The following IARS2 variants were observed in gnomAD, a reference collection of about 807,000 sequenced individuals.
The protein encoded by IARS2 is isoleucyl-tRNA synthetase 2, mitochondrial.
Under a neutral mutation model 126.3 loss-of-function variants are expected in IARS2, and 56 were observed. The observed-to-expected ratio is 0.44, with a 90% CI of 0.36 to 0.55. The LOEUF (loss-of-function observed/expected upper bound fraction) is 0.55, where lower values mean the gene tolerates loss of function less well. Among genes scored for constraint, IARS2 ranks in the 20% least tolerant of loss-of-function variants. IARS2 has a pLI of 0.00. For missense variants in IARS2, 1,127 were observed against 1,245.9 expected (o/e 0.90, Z 1.44); for synonymous variants, 407 against 441.1 (o/e 0.92, Z 0.97).
At chr1:220,127,827 T>C (rs1657184292) in intron 14 of IARS2, among the ~76,000 whole-genome samples, 1 of 152,224 alleles carries the variant, frequency 6.6e-6, no homozygotes, top group East Asian at 1.9e-4. Flanking sequence ...AAGTAAAATG[T>C]GCGTAATAAT....
At chr1:220,102,822 T>C in intron 7 of IARS2, 45 bp downstream of exon 7, 1 of 994,698 alleles carries the variant, frequency 1.0e-6, no homozygotes, top group Non-Finnish European at 1.6e-6. Flanking sequence ...AAATAGAATG[T>C]ATTCCATTAT....
chr1:220,117,194 T>TC (rs1656932618), intron 12 of IARS2, among the ~76,000 whole-genome samples: 1 of 140,606 alleles, frequency 7.1e-6, no homozygotes, highest in Non-Finnish European at 1.6e-5. Flanking sequence ...CTTTTTTTTT[T>TC]TTTTTTTTTT....
Position 220,107,077 on chromosome 1 carries a change from A to G in IARS2, c.1253A>G (p.Glu418Gly). Residue 418 changes from glutamate (E) to glycine (G), a missense_variant, in exon 10 of 23, where the codon GAA becomes GGA. Physicochemically the swap from Glu to Gly is moderately conservative, Grantham distance 98. Coordinates refer to ENST00000366922, the MANE Select transcript of IARS2 (RefSeq NM_018060.4). ...HNLPMDCLVD[E>G]DGVFTDVAGP... Reference sequence around the variant, plus strand: ...ACTTTATAGGATTGTCTAGTGGACGAAGATGGAGTTTTCACAGATGTTGCA... The same window carrying G: ...ACTTTATAGGATTGTCTAGTGGACGGAGATGGAGTTTTCACAGATGTTGCA... 1 of 1,611,374 alleles carries G rather than the reference A, an allele frequency of 6.2e-7. No individual in the cohort carries two copies. Among genetic ancestry groups the G allele is most frequent in the Non-Finnish European group, 8.5e-7 (1 of 1,177,482 alleles).
chr1:220,108,839 G>A lies in IARS2; in HGVS notation c.1327+1688G>A, dbSNP rs1650110679. ...CAGCCACCTTCTTTAGGTCTTAAAT[G>A]TCTCTCTGTGAATCCTCTTTTTTTT... On this transcript the variant is annotated intron_variant, in intron 10 of 22. Coordinates refer to ENST00000366922, the MANE Select transcript of IARS2 (RefSeq NM_018060.4). 2.4e-5 allele frequency among the ~76,000 whole-genome samples: 3 copies of A among 126,332 alleles called. 1 individual carries two copies. The South Asian group carries it at 8.1e-4, about 34-fold the overall frequency. The allele number at this position is 126,332 out of a possible 152,430, so 82.9% of individuals were successfully genotyped here.
At position 220,107,108 on chromosome 1, in the gene IARS2, T is replaced by C. The variant is rs749150836; in HGVS notation, c.1284T>C (p.Pro428=). Residue 428 remains proline (P), a synonymous_variant, in exon 10 of 23, where the codon CCT becomes CCC. Transcript: ENST00000366922. ...GAGTTTTCACAGATGTTGCAGGTCC[T>C]GAACTTCAAAACAAGGCTGTCCTTG... ...EDGVFTDVAG[P]ELQNKAVLEE... The C allele has an allele frequency of 6.2e-7, 1 of 1,613,766 alleles. No individual in the cohort carries two copies. The highest frequency in any genetic ancestry group is 8.5e-7 in the Non-Finnish European group (1 of 1,179,632).
chr1:220,138,908 C>A, intron 17 of IARS2, 100 bp from the exon 18 acceptor site: 2 of 1,102,404 alleles, frequency 1.8e-6, no homozygotes, highest in Non-Finnish European at 1.3e-6. Context: ...AAATACCCCA[C>A]TAAGAAAATG....
In IARS2 at chr1:220,102,583, C is replaced by G; in HGVS notation, c.838C>G (p.Pro280Ala). ...AAAATTTCCTCTCTTAAAGCCTTCT[C>G]CAAAATTGGCATCTCTTATAGGTAA... is the stretch of plus-strand genomic sequence containing the variant. Reference protein sequence around the residue: ...YVKFPLLKPSPKLASLIDGSS... With the variant: ...YVKFPLLKPSAKLASLIDGSS... The change falls in exon 6 of 23, where the codon CCA becomes GCA. Residue 280 changes from proline to alanine, a missense_variant. Transcript: ENST00000366922. The G allele has an allele frequency of 6.2e-7, 1 of 1,612,136 alleles. No individual in the cohort carries two copies. The highest frequency in any genetic ancestry group is 8.5e-7 in the Non-Finnish European group (1 of 1,178,358).
intron 22 of IARS2, among the ~76,000 whole-genome samples, chr1:220,146,905 C>T (rs1327556412): frequency 2.6e-5 from 4 of 152,250 alleles, no homozygotes; most frequent in South Asian, 4.1e-4. Context: ...CTCCTGACCT[C>T]AGGTGATCCA....
intron 10 of IARS2, among the ~76,000 whole-genome samples, chr1:220,109,911 T>C (rs1046781760): frequency 3.9e-4 from 59 of 152,238 alleles, no homozygotes; most frequent in African/African-American, 1.4e-3. Flanking sequence ...ATTCTAGATA[T>C]AATCTGTTCA....
At position 220,102,730 on chromosome 1, in the gene IARS2, T is replaced by G. The variant is rs769328073; in HGVS notation, c.903T>G (p.Pro301=). The G allele has an allele frequency of 6.2e-7, 1 of 1,613,780 alleles. No individual in the cohort carries two copies. The highest frequency in any genetic ancestry group is 1.3e-5 in the African/African-American group (1 of 75,036). Residue 301 remains proline (P), a synonymous_variant, in exon 7 of 23, where the codon CCT becomes CCG. Transcript: ENST00000366922. ...PVSILVWTTQ[P]WTIPANEAVC... is the part of the protein sequence containing the mutation. ...GTATTTTGGTCTGGACCACACAACC[T>G]TGGACGATTCCAGCCAATGAAGCTG...
chr1:220,143,140 C>G lies in IARS2; in HGVS notation c.2751+6C>G. Reference sequence around the variant, plus strand: ...TGCTTTTTGAGATAATAGAGGTATGCAGCAATATGTACCTTTTGAAATGGT... The same window carrying G: ...TGCTTTTTGAGATAATAGAGGTATGGAGCAATATGTACCTTTTGAAATGGT... On this transcript the variant is annotated splice_donor_region_variant and intron_variant, in intron 21 of 22. Transcript: ENST00000366922. 1 of 1,605,238 alleles carries G rather than the reference C, an allele frequency of 6.2e-7. No homozygotes were observed. The highest frequency in any genetic ancestry group is 1.3e-5 in the African/African-American group (1 of 74,866).
chr1:220,105,858 A>G (rs781597874), intron 8 of IARS2, 33 bp from the exon 9 acceptor site: 3 of 1,590,060 alleles, frequency 1.9e-6, no homozygotes, highest in African/African-American at 2.7e-5. Flanking sequence ...GCCATATAAA[A>G]TGATTCTTAA....
intron 12 of IARS2, among the ~76,000 whole-genome samples, chr1:220,117,365 A>G (rs1261721376): frequency 6.6e-6 from 1 of 150,942 alleles, no homozygotes; most frequent in African/African-American, 2.4e-5. Flanking sequence ...CTAATTTTAT[A>G]TATATATATT....
rs762992580 is a variant in IARS2 at position 220,096,259 on chromosome 1, AAAGT to A, written c.390+34_390+37del. 5.0e-6 allele frequency: 7 copies of A among 1,401,602 alleles called. No individual in the cohort carries two copies. The East Asian group carries it at 1.1e-4, about 23-fold the overall frequency. The allele number at this position is 1,401,602 out of a possible 1,614,324, so 86.8% of individuals were successfully genotyped here. Reference sequence around the variant, plus strand: ...TAATTTAGGTTATGACACTTGAAAGAAAGTGTTTATGTAAATACTCTTTATAAAT... The same window carrying A: ...TAATTTAGGTTATGACACTTGAAAGAGTTTATGTAAATACTCTTTATAAAT... On this transcript the variant is annotated intron_variant, in intron 2 of 22. Transcript: ENST00000366922.
At position 220,094,290 on chromosome 1, in the gene IARS2, C is replaced by T. The variant is rs1252855167; in HGVS notation, c.74C>T (p.Pro25Leu). Residue 25 changes from proline to leucine, a missense_variant, in exon 1 of 23, where the codon CCC (proline) becomes CTC (leucine). Transcript: ENST00000366922. ...LATARSLWGT[P>L]RLPCSPGWQG... is the part of the protein sequence containing the mutation. ...ACTGCCCGAAGTTTGTGGGGGACGC[C>T]CCGCCTTCCCTGCAGCCCGGGATGG... 1 of 1,611,142 alleles carries T rather than the reference C, an allele frequency of 6.2e-7. No homozygotes were observed. The highest frequency in any genetic ancestry group is 1.3e-5 in the African/African-American group (1 of 74,772).
chr1:220,135,364 G>A (rs780459374), intron 15 of IARS2, among the ~76,000 whole-genome samples: 4 of 150,068 alleles, frequency 2.7e-5, no homozygotes, highest in Non-Finnish European at 4.4e-5. Flanking sequence ...CATTTCACAT[G>A]TTTCTTTTTT....
intron 2 of IARS2, among the ~76,000 whole-genome samples, chr1:220,099,460 A>G (rs1656520722): frequency 6.6e-6 from 1 of 152,220 alleles, no homozygotes; most frequent in Non-Finnish European, 1.5e-5. Flanking sequence ...TATAATTTAC[A>G]TTACATCTGA....
chr1:220,137,899 T>A lies in IARS2; in HGVS notation c.2050-19T>A. On this transcript the variant is annotated intron_variant, in intron 16 of 22. Coordinates refer to ENST00000366922, the MANE Select transcript of IARS2 (RefSeq NM_018060.4). ...AATTGAAAGCCATTGTGTTTATATA[T>A]TTTTTTCTCAATGAAAAGGATCAAA... The A allele has an allele frequency of 6.2e-7, 1 of 1,612,962 alleles. No homozygotes were observed. The highest frequency in any genetic ancestry group is 1.1e-5 in the South Asian group (1 of 90,996).
intron 2 of IARS2, among the ~76,000 whole-genome samples, chr1:220,097,296 C>G (rs771496478): frequency 2.0e-5 from 3 of 151,800 alleles, no homozygotes; most frequent in Non-Finnish European, 4.4e-5. Flanking sequence ...CACCCCAGAC[C>G]CCCAGCACAT....
Sources: gnomAD v4.1 joint callset for allele counts (sites outside exome capture counted in the v4.1 genomes callset) on GRCh38, gnomAD v4.1.1 for gene constraint, MANE v1.5 for transcripts, NCBI Gene and HGNC (gene_info 2026-07-23, HGNC 2026-07-21) for gene names.